Variants in ELMO2 observed in about 807,000 individuals in gnomAD.
ELMO2 encodes the protein engulfment and cell motility 2, also known as engulfment and cell motility protein 2.
ELMO2 carries 37 observed loss-of-function variants against 96.2 expected under a neutral mutation model. That is an observed-to-expected ratio of 0.38 (90% CI 0.30 to 0.51). The LOEUF (loss-of-function observed/expected upper bound fraction) is 0.51. Ranked by LOEUF, ELMO2 falls within the 20% of genes least tolerant of loss-of-function variation. ELMO2 has a pLI of 0.88. For missense variants in ELMO2, 561 were observed against 912.6 expected (o/e 0.61, Z 4.96); for synonymous variants, 315 against 329.4 (o/e 0.96, Z 0.47).
Position 46,376,854 on chromosome 20 carries a change from T to C in ELMO2, c.808-1064A>G, listed in dbSNP as rs531405456. The C allele has an allele frequency of 1.3e-5, 16 of 1,215,044 alleles. No individual in the cohort carries two copies. The East Asian group carries it at 2.9e-4, about 22-fold the overall frequency. The allele number at this position is 1,215,044 out of a possible 1,614,324, so 75.3% of individuals were successfully genotyped here. On this transcript the variant is annotated intron_variant, in intron 11 of 21. Coordinates refer to ENST00000290246, the MANE Select transcript of ELMO2 (RefSeq NM_133171.5). ...TCCAGTATAGCAGCCACTAGCCATA[T>C]GCAGCTATTTGCATTTAAATCAGTT...
chr20:46,389,253 G>C (rs1360011941), intron 6 of ELMO2, 33 bp from the exon 7 acceptor site: 2 of 1,601,102 alleles, frequency 1.2e-6, no homozygotes, highest in Non-Finnish European at 1.7e-6. Flanking sequence ...TGTGCCATCT[G>C]CTCCTTGGAG....
chr20:46,383,379 G>C, intron 10 of ELMO2, 37 bp downstream of exon 10: 1 of 1,582,268 alleles, frequency 6.3e-7, no homozygotes, highest in African/African-American at 1.3e-5. Context: ...TATCTCAGAA[G>C]AGCCCAGATG....
At chr20:46,395,478 T>C (rs1888793940) in intron 2 of ELMO2, among the ~76,000 whole-genome samples, 1 of 152,210 alleles carries the variant, frequency 6.6e-6, no homozygotes, top group South Asian at 2.1e-4. Context: ...AAAAAGACCT[T>C]TCTGCATCCT....
At position 46,393,110 on chromosome 20, in the gene ELMO2, G is replaced by C. The variant is rs774088400; in HGVS notation, c.226C>G (p.Gln76Glu). The C allele has an allele frequency of 6.2e-7, 1 of 1,613,946 alleles. No homozygotes were observed. The highest frequency in any genetic ancestry group is 8.5e-7 in the Non-Finnish European group (1 of 1,179,930). ...RSDIKNGTILQLAISPSRAAR... is the reference protein window; with the variant it reads ...RSDIKNGTILELAISPSRAAR... ...ATACCTACCGGGGAGATAGCCAGTT[G>C]TAAGATTGTCCCATTCTTAATGTCA... The change falls in exon 6 of 22, where the codon CAA becomes GAA. Residue 76 changes from glutamine to glutamate, a missense_variant. Physicochemically the swap from Gln to Glu is conservative, Grantham distance 29 (BLOSUM62 2). Coordinates refer to ENST00000290246, the MANE Select transcript of ELMO2 (RefSeq NM_133171.5).
chr20:46,377,880 A>G (rs1050177910), intron 11 of ELMO2, among the ~76,000 whole-genome samples: 4 of 151,084 alleles, frequency 2.6e-5, no homozygotes, highest in Non-Finnish European at 3.0e-5. Flanking sequence ...CACTCCCCCC[A>G]GTCTCTCTCA....
At position 46,375,391 on chromosome 20, in the gene ELMO2, T is replaced by C; in HGVS notation, c.931-21A>G. The C allele has an allele frequency of 6.2e-7, 1 of 1,612,222 alleles. No homozygotes were observed. Among genetic ancestry groups the C allele is most frequent in the South Asian group, 1.1e-5 (1 of 91,030 alleles). On this transcript the variant is annotated intron_variant, in intron 12 of 21. Transcript: ENST00000290246. This position sits in a 1 kb window ranked among gnomAD's most constrained non-coding sequence, Gnocchi z 4.6. Reference sequence around the variant, plus strand: ...TGAGCCTGCGAGGTGAAACAGACAGTCAGCAGGTGAATCGGCTAACCAAGG... The same window carrying C: ...TGAGCCTGCGAGGTGAAACAGACAGCCAGCAGGTGAATCGGCTAACCAAGG...
At position 46,369,327 on chromosome 20, in the gene ELMO2, A is replaced by T. The variant is rs142023375; in HGVS notation, c.1885-359T>A. 2.6e-3 allele frequency: 477 copies of T among 185,946 alleles called. 10 individuals are homozygous for T. In the East Asian group the frequency reaches 0.05, roughly 20 times the overall value. 11.5% of individuals were successfully genotyped at this position (185,946 alleles called of 1,614,324 possible). On this transcript the variant is annotated intron_variant, in intron 20 of 21. Transcript: ENST00000290246. ...ACTTCTATCGTGCTGTATTTGGCAT[A>T]GGAATGTCTTAACAATTAAAAAACA...
At chr20:46,387,026 A>C (rs1600859068) in intron 8 of ELMO2, among the ~76,000 whole-genome samples, 1 of 152,348 alleles carries the variant, frequency 6.6e-6, no homozygotes, top group East Asian at 1.9e-4. Context: ...GAGCTCAGGA[A>C]GTCGGTCAAA....
chr20:46,391,750 T>C (rs896977356), intron 6 of ELMO2, among the ~76,000 whole-genome samples: 10 of 152,042 alleles, frequency 6.6e-5, no homozygotes, highest in Admixed American at 2.0e-4. Context: ...ACATAAAAAA[T>C]TGCAACAGAA....
chr20:46,394,439 G>A lies in ELMO2; in HGVS notation c.44C>T (p.Pro15Leu). The change falls in exon 3 of 22, where the codon CCA becomes CTA. Residue 15 changes from proline (P) to leucine (L), a missense_variant. Pro to Leu is a moderately conservative substitution (Grantham distance 98). Coordinates refer to ENST00000290246, the MANE Select transcript of ELMO2 (RefSeq NM_133171.5). ...SDIVKVAIEWPGANAQLLEID... is the reference protein window; with the variant it reads ...SDIVKVAIEWLGANAQLLEID... ...TTCAAGGAGCTGGGCGTTAGCACCTGGCCACTCAATGGCCACTTTGACAAT... is the reference window on the plus strand; with the variant it reads ...TTCAAGGAGCTGGGCGTTAGCACCTAGCCACTCAATGGCCACTTTGACAAT... 1 of 1,614,212 alleles carries A rather than the reference G, an allele frequency of 6.2e-7. No individual in the cohort carries two copies. Among genetic ancestry groups the A allele is most frequent in the Non-Finnish European group, 8.5e-7 (1 of 1,180,046 alleles).
Position 46,371,532 on chromosome 20 carries a change from C to T in ELMO2, c.1693+47G>A, listed in dbSNP as rs2059707214. The stretch of plus-strand genomic sequence containing the variant: ...AAGGCCTGGGCACAAAAGGGGCCAT[C>T]CAGGCAGGCTCTTCCCGGCACCAAG... On this transcript the variant is annotated intron_variant, in intron 18 of 21. Coordinates refer to ENST00000290246, the MANE Select transcript of ELMO2 (RefSeq NM_133171.5). This position sits in a 1 kb window ranked among gnomAD's most constrained non-coding sequence, Gnocchi z 5.9. 1 of 1,606,084 alleles carries T rather than the reference C, an allele frequency of 6.2e-7. No homozygotes were observed. Among genetic ancestry groups the T allele is most frequent in the African/African-American group, 1.3e-5 (1 of 74,618 alleles).
chr20:46,382,278 C>A (rs767565413), intron 10 of ELMO2: 1 of 1,289,488 alleles, frequency 7.8e-7, no homozygotes, highest in African/African-American at 1.5e-5. Flanking sequence ...GAGAAGCAGA[C>A]GGAATGAGCT....
chr20:46,393,255 G>A (rs2060184632), intron 5 of ELMO2, 112 bp from the exon 6 acceptor site: 2 of 1,117,608 alleles, frequency 1.8e-6, no homozygotes, highest in Non-Finnish European at 2.7e-6. Context: ...TGTAACTGAG[G>A]ATCTTCAGTC....
Position 46,371,393 on chromosome 20 carries a change from T to C in ELMO2, c.1760A>G (p.Asn587Ser), listed in dbSNP as rs752380720. ...KVLHYGDLDD[N>S]PQGEVTFESL... ...TTCAAATGTCACCTCCCCTTGTGGG[T>C]TGTCATCCAAGTCACCATAGTGAAG... The change falls in exon 19 of 22, where the codon AAC becomes AGC. Residue 587 changes from asparagine to serine, a missense_variant. By Grantham distance (46) the Asn-to-Ser change is conservative. Transcript: ENST00000290246. The surrounding 1 kb of genome is among the most constrained non-coding windows in gnomAD (Gnocchi z 5.9). 2 of 1,614,196 alleles carry C rather than the reference T, an allele frequency of 1.2e-6. No homozygotes were observed. Among genetic ancestry groups the C allele is most frequent in the South Asian group, 1.1e-5 (1 of 91,078 alleles).
At chr20:46,393,265 C>T (rs1382167574) in intron 5 of ELMO2, 122 bp from the exon 6 acceptor site, 40 of 1,024,046 alleles carry the variant, frequency 3.9e-5, no homozygotes, top group Admixed American at 1.7e-4. Flanking sequence ...GATCTTCAGT[C>T]GGGCCCTCTT....
chr20:46,376,717 G>A, intron 11 of ELMO2: 2 of 1,289,284 alleles, frequency 1.6e-6, no homozygotes, highest in Non-Finnish European at 2.0e-6. Context: ...TATGAATCCT[G>A]TCCCTCTTGG....
rs1374006577 is a variant in ELMO2, at chr20:46,366,115, G to A, written c.*1245C>T. On this transcript the variant is annotated 3_prime_UTR_variant, in exon 22 of 22. Coordinates refer to ENST00000290246, the MANE Select transcript of ELMO2 (RefSeq NM_133171.5). ...ACAGGAAGCTCCTGGCTGCTCTCTGGTTACAATCTTGGCTCACAACTGGAA... is the reference window on the plus strand; with the variant it reads ...ACAGGAAGCTCCTGGCTGCTCTCTGATTACAATCTTGGCTCACAACTGGAA... 6.6e-6 allele frequency: 1 copy of A among 152,610 alleles called. No individual in the cohort carries two copies. Among genetic ancestry groups the A allele is most frequent in the Non-Finnish European group, 1.5e-5 (1 of 68,030 alleles). The allele number at this position is 152,610 out of a possible 1,614,324, so 9.5% of individuals were successfully genotyped here. A position where few individuals can be genotyped will look rare whatever the true frequency, so the allele number is the denominator to read the frequency against.
chr20:46,376,753 C>T, intron 11 of ELMO2: 1 of 1,289,434 alleles, frequency 7.8e-7, no homozygotes, highest in Non-Finnish European at 1.0e-6. Context: ...ATGAGGCTCT[C>T]CTCCATTTTC....
intron 11 of ELMO2, among the ~76,000 whole-genome samples, chr20:46,378,541 T>C (rs192248260): frequency 4.9e-4 from 74 of 152,338 alleles, no homozygotes; most frequent in African/African-American, 1.8e-3. Flanking sequence ...ACCTGTGTAC[T>C]CCTGTCACTT....
Sources: allele counts gnomAD v4.1 joint callset (sites outside exome capture counted in the v4.1 genomes callset), GRCh38; gene constraint gnomAD v4.1.1; non-coding constraint Gnocchi (gnomAD v3.1); transcripts MANE v1.5; gene names NCBI Gene and HGNC (gene_info 2026-07-23, HGNC 2026-07-21).